Variants in ADGRL4 observed in about 807,000 individuals in gnomAD.
ADGRL4 encodes EGF, latrophilin and seven transmembrane domain containing 1.
Under a neutral mutation model 74.8 loss-of-function variants are expected in ADGRL4, and 90 were observed. The ratio of observed to expected loss-of-function variants is 1.20; its 90% confidence interval spans 1.02 to 1.43. The LOEUF is 1.43. Among genes scored for constraint, ADGRL4 ranks in the 40% most tolerant of loss-of-function variants. The probability of loss-of-function intolerance (pLI) is 0.00; values close to 1 mark genes in which losing one functional copy is unlikely to be tolerated. For missense variants in ADGRL4, 881 were observed against 814.3 expected, an observed-to-expected ratio of 1.08 and a Z score of -1.00; for synonymous variants, 311 against 279.2, an observed-to-expected ratio of 1.11 and a Z score of -1.14.
chr1:78,937,265 T>C (rs932524178), intron 6 of ADGRL4, among the ~76,000 whole-genome samples: 3 of 152,006 alleles, frequency 2.0e-5, no homozygotes, highest in African/African-American at 4.8e-5. Flanking sequence ...GCCAACATGG[T>C]GAAACCCCAT....
chr1:78,932,779 G>C (rs1382869703), intron 7 of ADGRL4, among the ~76,000 whole-genome samples: 6 of 151,396 alleles, frequency 4.0e-5, no homozygotes, highest in African/African-American at 1.5e-4. Flanking sequence ...ACTACCATCA[G>C]AGAATACTAT....
chr1:78,891,101 C>A lies in ADGRL4; in HGVS notation c.*53G>T. 1 of 1,558,940 alleles carries A rather than the reference C, an allele frequency of 6.4e-7. No homozygotes were observed. ...GTCATTTTTATACATTGGTCATCCACAGCTTGGAATTTTTATTTTTGTGCA... is the reference window on the plus strand; with the variant it reads ...GTCATTTTTATACATTGGTCATCCAAAGCTTGGAATTTTTATTTTTGTGCA... On this transcript the variant is annotated 3_prime_UTR_variant, in exon 15 of 15. Transcript: ENST00000370742.
At position 78,918,015 on chromosome 1, in the gene ADGRL4, G is replaced by A. The variant is rs1311550444; in HGVS notation, c.1497C>T (p.Tyr499=). Residue 499 remains tyrosine, a synonymous_variant, in exon 11 of 15, where the codon TAC becomes TAT. Coordinates refer to ENST00000370742, the MANE Select transcript of ADGRL4 (RefSeq NM_022159.4). ...FCSIIAGLLH[Y]FFLAAFAWMC... is the part of the protein sequence containing the mutation. ...TCCATGCAAAAGCAGCTAAAAAGAA[G>A]TAGTGTAGCAGTCCGGCAATGATTG... 6.2e-7 allele frequency: 1 copy of A among 1,611,066 alleles called. No individual in the cohort carries two copies. The highest frequency in any genetic ancestry group is 1.7e-5 in the Admixed American group (1 of 59,744).
At chr1:78,962,171 G>A (rs947650730) in intron 2 of ADGRL4, among the ~76,000 whole-genome samples, 7 of 152,160 alleles carry the variant, frequency 4.6e-5, no homozygotes, top group South Asian at 2.1e-4. Flanking sequence ...ATGAGCCACC[G>A]GGCCCGGCCT....
At chr1:78,963,748 A>G (rs1020906525) in intron 2 of ADGRL4, among the ~76,000 whole-genome samples, 1 of 152,192 alleles carries the variant, frequency 6.6e-6, no homozygotes, top group Non-Finnish European at 1.5e-5. Context: ...TACATGGTAA[A>G]AATCAAGGCC....
chr1:78,986,722 A>G (rs1291383289), intron 2 of ADGRL4, among the ~76,000 whole-genome samples: 2 of 151,908 alleles, frequency 1.3e-5, no homozygotes, highest in African/African-American at 4.8e-5. Context: ...TCAAATTGGA[A>G]TGCAAACTGT....
intron 7 of ADGRL4, among the ~76,000 whole-genome samples, chr1:78,935,820 A>T (rs1187081750): frequency 6.6e-6 from 1 of 152,082 alleles, no homozygotes; most frequent in Admixed American, 6.6e-5. Context: ...TGGAAATCTC[A>T]AGTAAGAATA....
At chr1:78,924,613 AT>A (rs1266173651) in intron 8 of ADGRL4, among the ~76,000 whole-genome samples, 1 of 152,092 alleles carries the variant, frequency 6.6e-6, no homozygotes, top group Non-Finnish European at 1.5e-5. Context: ...ATAAGCTTAC[AT>A]GTTTGAACGT....
chr1:78,953,562 A>C (rs531118368), intron 2 of ADGRL4, among the ~76,000 whole-genome samples: 1 of 152,360 alleles, frequency 6.6e-6, no homozygotes, highest in African/African-American at 2.4e-5. Flanking sequence ...TGCTAGAGAA[A>C]CCGTTCTCTG....
At chr1:79,006,330 T>C (rs146215692) in intron 1 of ADGRL4, among the ~76,000 whole-genome samples, 1 of 152,110 alleles carries the variant, frequency 6.6e-6, no homozygotes, top group Non-Finnish European at 1.5e-5. Flanking sequence ...AGGAAACCTC[T>C]CATGGGTGTT....
chr1:78,917,579 G>T (rs1648903131), intron 12 of ADGRL4, 55 bp downstream of exon 12: 4 of 1,162,844 alleles, frequency 3.4e-6, no homozygotes, highest in South Asian at 1.6e-5. Context: ...GAAATTTTAA[G>T]CACCCTATGA....
intron 2 of ADGRL4, among the ~76,000 whole-genome samples, chr1:78,963,257 A>T (rs1425129307): frequency 6.6e-6 from 1 of 152,200 alleles, no homozygotes; most frequent in East Asian, 1.9e-4. Context: ...ACAAATTTTC[A>T]TGGTGTTCAC....
At chr1:78,981,865 G>T (rs1650403010) in intron 2 of ADGRL4, among the ~76,000 whole-genome samples, 1 of 151,600 alleles carries the variant, frequency 6.6e-6, no homozygotes, top group African/African-American at 2.4e-5. Flanking sequence ...TAATGTCCTT[G>T]ACATAATTAC....
intron 12 of ADGRL4, among the ~76,000 whole-genome samples, chr1:78,917,361 A>G (rs1648896795): frequency 6.6e-6 from 1 of 151,578 alleles, no homozygotes; most frequent in Non-Finnish European, 1.5e-5. Context: ...ATAGCTTTGA[A>G]TTTAAAAGCT....
At chr1:78,999,301 A>G (rs571413613) in intron 2 of ADGRL4, among the ~76,000 whole-genome samples, 38 of 152,276 alleles carry the variant, frequency 2.5e-4, no homozygotes, top group Non-Finnish European at 5.1e-4. Flanking sequence ...ATTTTGGGGG[A>G]AGTATTGGAA....
At chr1:78,923,960 G>C (rs1649057138) in intron 8 of ADGRL4, among the ~76,000 whole-genome samples, 1 of 151,720 alleles carries the variant, frequency 6.6e-6, no homozygotes, top group South Asian at 2.1e-4. Context: ...TACATTTTCA[G>C]ACTGAAAAGA....
chr1:78,895,267 G>A (rs1000203982), intron 12 of ADGRL4, among the ~76,000 whole-genome samples: 14 of 151,900 alleles, frequency 9.2e-5, no homozygotes, highest in African/African-American at 2.7e-4. Context: ...ATACAAATAT[G>A]CGGAACTTTT....
Position 78,891,014 on chromosome 1 carries a change from A to C in ADGRL4, c.*140T>G. ...TTATTATCTACAGTTCCTATAGCAT[A>C]AACAGAAAAACTGATTTAAAATACT... On this transcript the variant is annotated 3_prime_UTR_variant, in exon 15 of 15. Coordinates refer to ENST00000370742, the MANE Select transcript of ADGRL4 (RefSeq NM_022159.4). The C allele has an allele frequency of 1.2e-6, 1 of 845,054 alleles. No individual in the cohort carries two copies. The highest frequency in any genetic ancestry group is 2.0e-6 in the Non-Finnish European group (1 of 505,746). The allele number at this position is 845,054 out of a possible 1,614,324, so 52.3% of individuals were successfully genotyped here.
intron 12 of ADGRL4, 91 bp downstream of exon 12, chr1:78,917,542 CT>C: frequency 2.8e-6 from 2 of 723,998 alleles, no homozygotes; most frequent in Non-Finnish European, 4.4e-6. Context: ...TCAAATTCTT[CT>C]TTTTTAGAAT....
Sources: allele counts gnomAD v4.1 joint callset (sites outside exome capture counted in the v4.1 genomes callset), GRCh38; gene constraint gnomAD v4.1.1; transcripts MANE v1.5; gene names NCBI Gene and HGNC (gene_info 2026-07-23, HGNC 2026-07-21).